The following SLC23A2 variants were observed in gnomAD, a reference collection of about 807,000 sequenced individuals.
SLC23A2 encodes the protein solute carrier family 23 member 2.
In SLC23A2, 36 loss-of-function variants were observed where a neutral mutation model predicts 73.3. The observed-to-expected ratio is 0.49, with a 90% CI of 0.38 to 0.65. The LOEUF (loss-of-function observed/expected upper bound fraction) is 0.65, where lower values mean the gene tolerates loss of function less well. Among genes scored for constraint, SLC23A2 ranks in the 30% least tolerant of loss-of-function variants. SLC23A2 has a pLI of 0.00. For synonymous variants in SLC23A2, 343 were observed against 327.3 expected (o/e 1.05, Z -0.52); for missense variants, 507 against 841.6 (o/e 0.60, Z 4.92).
At chr20:4,874,551 G>A (rs749385865) in intron 10 of SLC23A2, 25 bp downstream of exon 10, 3 of 1,573,942 alleles carry the variant, frequency 1.9e-6, no homozygotes, top group Admixed American at 3.8e-5. Context: ...AAAAATGTCA[G>A]CAGGGGAAGA....
At chr20:4,983,285 T>C (rs1440229629) in intron 1 of SLC23A2, among the ~76,000 whole-genome samples, 2 of 151,676 alleles carry the variant, frequency 1.3e-5, no homozygotes, top group Non-Finnish European at 2.9e-5. Flanking sequence ...GACACCAAAA[T>C]CACAAGCAAA....
intron 2 of SLC23A2, among the ~76,000 whole-genome samples, chr20:4,939,735 C>T (rs998690651): frequency 3.9e-5 from 6 of 152,126 alleles, no homozygotes; most frequent in Non-Finnish European, 8.8e-5. Flanking sequence ...TTTGCCCATG[C>T]CTGACAATAA....
chr20:4,866,194 T>C (rs910907663), intron 13 of SLC23A2, among the ~76,000 whole-genome samples: 1 of 152,196 alleles, frequency 6.6e-6, no homozygotes, highest in East Asian at 1.9e-4. Context: ...TACAATGTAA[T>C]TGCTCTGTAA....
intron 3 of SLC23A2, among the ~76,000 whole-genome samples, chr20:4,930,812 G>T (rs1443802696): frequency 6.6e-6 from 1 of 150,744 alleles, no homozygotes; most frequent in Non-Finnish European, 1.5e-5. Flanking sequence ...GAGCAAGACG[G>T]TCTCAAAAAA....
intron 11 of SLC23A2, among the ~76,000 whole-genome samples, chr20:4,871,997 TCTATA>T (rs1930467925): frequency 6.6e-6 from 1 of 151,600 alleles, no homozygotes; most frequent in Non-Finnish European, 1.5e-5. Context: ...TATATCTATA[TCTATA>T]TTTTTTTTTC....
rs1930554994 is a variant in SLC23A2 at position 4,873,973 on chromosome 20, C to T, written c.1065G>A (p.Val355=). The T allele has an allele frequency of 6.2e-7, 1 of 1,614,094 alleles. No individual in the cohort carries two copies. Among genetic ancestry groups the T allele is most frequent in the Non-Finnish European group, 8.5e-7 (1 of 1,179,976 alleles). Residue 355 remains valine (V), a synonymous_variant, in exon 11 of 17, where the codon GTG becomes GTA. Coordinates refer to ENST00000338244, the MANE Select transcript of SLC23A2 (RefSeq NM_005116.6). ...CCTTAAACCACGGGGCTACCAGAAG[C>T]ACGCCTTGCCTGGCATCTGTGCGAG... The part of the protein sequence containing the change: ...FYARTDARQG[V]LLVAPWFKVP...
chr20:4,928,343 T>C lies in SLC23A2; in HGVS notation c.108+4112A>G, dbSNP rs545423031. Among the ~76,000 whole-genome samples the C allele has an allele frequency of 7.2e-5, 11 of 152,368 alleles. No homozygotes were observed. The South Asian group carries it at 2.3e-3, about 32-fold the overall frequency. ...GGCCTGAGCATCCGCACCCAGCCTA[T>C]AACATGTTTTCTAACAAAACTATCC... On this transcript the variant is annotated intron_variant, in intron 3 of 16. Coordinates refer to ENST00000338244, the MANE Select transcript of SLC23A2 (RefSeq NM_005116.6).
intron 1 of SLC23A2, among the ~76,000 whole-genome samples, chr20:4,978,712 C>T (rs549893512): frequency 2.6e-5 from 4 of 152,298 alleles, no homozygotes; most frequent in Admixed American, 1.3e-4. Flanking sequence ...GATATGCACA[C>T]AGGGCACATG....
At chr20:4,994,522 C>T (rs764442072) in intron 1 of SLC23A2, among the ~76,000 whole-genome samples, 1 of 152,138 alleles carries the variant, frequency 6.6e-6, no homozygotes, top group Admixed American at 6.6e-5. Context: ...CGGCGGCTCA[C>T]ACCTGTAATC....
Position 4,857,302 on chromosome 20 carries a change from ACAC to A in SLC23A2, c.1721-101_1721-99del. On this transcript the variant is annotated intron_variant, in intron 16 of 16. Transcript: ENST00000338244. This position sits in a 1 kb window ranked among gnomAD's most constrained non-coding sequence, Gnocchi z 4.0. ...AACACATACACACACACACACACAC[ACAC>A]ACACACACACACACACACACACACA... 3.9e-6 allele frequency: 2 copies of A among 507,688 alleles called. No individual in the cohort carries two copies. 31.4% of individuals were successfully genotyped at this position (507,688 alleles called of 1,614,324 possible). A position where few individuals can be genotyped will look rare whatever the true frequency, so the allele number is the denominator to read the frequency against.
rs761611509 is a variant in SLC23A2, at chr20:4,857,136, C to T, written c.1789G>A (p.Gly597Ser). The T allele has an allele frequency of 7.4e-6, 12 of 1,613,948 alleles. No homozygotes were observed. The highest frequency in any genetic ancestry group is 4.4e-5 in the South Asian group (4 of 91,086). Residue 597 changes from glycine (G) to serine (S), a missense_variant, in exon 17 of 17, where the codon GGC becomes AGC. This residue lies in a region of SLC23A2 where 168 missense variants were observed against 302.3 expected (regional missense o/e 0.56). Coordinates refer to ENST00000338244, the MANE Select transcript of SLC23A2 (RefSeq NM_005116.6). The surrounding 1 kb of genome is among the most constrained non-coding windows in gnomAD (Gnocchi z 4.0). ...GVGKGNKSLDGMESYNLPFGM... is the reference protein window; with the variant it reads ...GVGKGNKSLDSMESYNLPFGM... ...AATGGCAAATTGTACGACTCCATGCCGTCGAGTGATTTGTTCCCTTTGCCC... is the reference window on the plus strand; with the variant it reads ...AATGGCAAATTGTACGACTCCATGCTGTCGAGTGATTTGTTCCCTTTGCCC...
Position 4,852,857 on chromosome 20 carries a change from CA to C in SLC23A2, c.*4114del, listed in dbSNP as rs1417881966. 1.3e-5 allele frequency: 2 copies of C among 152,658 alleles called. No homozygotes were observed. The highest frequency in any genetic ancestry group is 3.9e-4 in the East Asian group (2 of 5,192). The allele number at this position is 152,658 out of a possible 1,614,324, so 9.5% of individuals were successfully genotyped here. On this transcript the variant is annotated 3_prime_UTR_variant, in exon 17 of 17. Coordinates refer to ENST00000338244, the MANE Select transcript of SLC23A2 (RefSeq NM_005116.6). The surrounding 1 kb of genome is among the most constrained non-coding windows in gnomAD (Gnocchi z 4.3). ...GGGAGGGTAGAGTGATGCTGAAACACAGTCAACACCAACCAGAAAGGACGGG... is the reference window on the plus strand; with the variant it reads ...GGGAGGGTAGAGTGATGCTGAAACACGTCAACACCAACCAGAAAGGACGGG...
intron 1 of SLC23A2, among the ~76,000 whole-genome samples, chr20:4,986,842 T>C (rs1243430907): frequency 6.6e-6 from 1 of 152,226 alleles, no homozygotes; most frequent in African/African-American, 2.4e-5. Context: ...GAAGTCACTT[T>C]AAAGCATCAT....
At chr20:4,957,105 C>T (rs1053694957) in intron 2 of SLC23A2, among the ~76,000 whole-genome samples, 1 of 152,060 alleles carries the variant, frequency 6.6e-6, no homozygotes, top group Non-Finnish European at 1.5e-5. Context: ...CTGCGCCCGG[C>T]CTCCTTCCCT....
chr20:4,871,477 G>A (rs1930445475), intron 11 of SLC23A2, among the ~76,000 whole-genome samples: 2 of 152,194 alleles, frequency 1.3e-5, no homozygotes, highest in East Asian at 1.9e-4. Context: ...CACAGGGCAG[G>A]AGGCAAGTTC....
intron 1 of SLC23A2, among the ~76,000 whole-genome samples, chr20:4,975,686 T>G (rs1285634463): frequency 6.6e-6 from 1 of 151,658 alleles, no homozygotes; most frequent in Non-Finnish European, 1.5e-5. Flanking sequence ...CCGCCTGTTT[T>G]TTTTTTTTTA....
chr20:4,955,658 G>A (rs1162220144), intron 2 of SLC23A2, among the ~76,000 whole-genome samples: 1 of 152,114 alleles, frequency 6.6e-6, no homozygotes, highest in Non-Finnish European at 1.5e-5. Flanking sequence ...GGGTATGGGG[G>A]CAGTGCCTTT....
chr20:5,002,167 A>C (rs528036204), upstream of SLC23A2, among the ~76,000 whole-genome samples: 3 of 152,292 alleles, frequency 2.0e-5, no homozygotes, highest in Admixed American at 6.5e-5. Flanking sequence ...ACCGCTAAGC[A>C]GAAAGGCCAA....
upstream of SLC23A2, among the ~76,000 whole-genome samples, chr20:5,005,165 T>C (rs1425895611): frequency 6.6e-6 from 1 of 151,924 alleles, no homozygotes; most frequent in African/African-American, 2.4e-5. Flanking sequence ...AAACTGGCTT[T>C]GGTATCAGCA....
Sources: gnomAD v4.1 joint callset for allele counts (sites outside exome capture counted in the v4.1 genomes callset) on GRCh38, gnomAD v4.1.1 for gene constraint, gnomAD v4.1.1 regional missense constraint, Gnocchi (gnomAD v3.1) non-coding constraint, MANE v1.5 for transcripts, NCBI Gene and HGNC (gene_info 2026-07-23, HGNC 2026-07-21) for gene names.